LRP1B: variants seen among roughly 807,000 people sequenced by gnomAD.
LRP1B encodes low-density lipoprotein receptor-related protein 1B.
In LRP1B, 217 loss-of-function variants were observed where a neutral mutation model predicts 556.6. That is an observed-to-expected ratio of 0.39 (90% CI 0.35 to 0.44). The LOEUF (loss-of-function observed/expected upper bound fraction) is 0.44. LRP1B is among the 20% of genes least tolerant of loss of function. The pLI, the probability that LRP1B is intolerant of heterozygous loss-of-function variation, is 1.00. For synonymous variants in LRP1B, 2,047 were observed against 1,865.8 expected, an observed-to-expected ratio of 1.10 and a Z score of -2.50; for missense variants, 5,053 against 5,620.8, an observed-to-expected ratio of 0.90 and a Z score of 3.23.
chr2:140,788,180 C>T (rs931651816), intron 32 of LRP1B, among the ~76,000 whole-genome samples: 6 of 151,998 alleles, frequency 3.9e-5, no homozygotes, highest in African/African-American at 7.3e-5. Flanking sequence ...ATGGTAAGGA[C>T]AATAATTGGT....
chr2:141,658,306 T>A (rs547675239), intron 2 of LRP1B, among the ~76,000 whole-genome samples: 67 of 152,338 alleles, frequency 4.4e-4, no homozygotes, highest in African/African-American at 1.2e-3. Flanking sequence ...TTAGAGAATA[T>A]GTTAATGTTA....
chr2:141,013,229 A>G (rs1359331569), intron 14 of LRP1B, among the ~76,000 whole-genome samples: 2 of 151,972 alleles, frequency 1.3e-5, no homozygotes, highest in Non-Finnish European at 2.9e-5. Context: ...ATTTAACAAT[A>G]CTTACGCTTT....
chr2:141,876,419 C>T (rs1698761548), intron 1 of LRP1B, among the ~76,000 whole-genome samples: 1 of 151,848 alleles, frequency 6.6e-6, no homozygotes, highest in South Asian at 2.1e-4. Flanking sequence ...GCCAAAGAAG[C>T]TACTGTCCAA....
intron 1 of LRP1B, among the ~76,000 whole-genome samples, chr2:141,974,835 G>A (rs1263708541): frequency 6.6e-6 from 1 of 152,060 alleles, no homozygotes; most frequent in East Asian, 1.9e-4. Flanking sequence ...TGGTAGCTCT[G>A]CAGAGTATCA....
At chr2:140,580,740 G>T (rs766877332) in intron 43 of LRP1B, among the ~76,000 whole-genome samples, 1 of 152,136 alleles carries the variant, frequency 6.6e-6, no homozygotes, top group Non-Finnish European at 1.5e-5. Context: ...TGAGTTAATG[G>T]CTTTTTATCT....
rs1699354135 is a variant in LRP1B at position 141,062,159 on chromosome 2, T to C, written c.1128A>G (p.Ala376=). 6.2e-7 allele frequency: 1 copy of C among 1,612,068 alleles called. No individual in the cohort carries two copies. Among genetic ancestry groups the C allele is most frequent in the Non-Finnish European group, 8.5e-7 (1 of 1,178,672 alleles). ...AAACCAATTTGTTGACTAGGTCTAG[T>C]GCCAGTGCAGCTGGCTGCTCTGTCT... ...DSKTEQPAAL[A]LDLVNKLVYW... The change falls in exon 8 of 91, where the codon GCA becomes GCG. Residue 376 remains alanine, a synonymous_variant. Transcript: ENST00000389484.
intron 32 of LRP1B, among the ~76,000 whole-genome samples, chr2:140,807,966 C>T (rs541376572): frequency 3.9e-5 from 6 of 152,238 alleles, no homozygotes; most frequent in Non-Finnish European, 5.9e-5. Context: ...ATGGCGCATG[C>T]CTGTAATCCC....
intron 2 of LRP1B, among the ~76,000 whole-genome samples, chr2:141,747,634 A>T (rs976649514): frequency 6.6e-6 from 1 of 152,190 alleles, no homozygotes; most frequent in African/African-American, 2.4e-5. Context: ...TAAATAAATA[A>T]ATAAATCTAA....
chr2:141,576,001 T>C (rs1468160219), intron 2 of LRP1B, among the ~76,000 whole-genome samples: 2 of 152,130 alleles, frequency 1.3e-5, no homozygotes, highest in Non-Finnish European at 2.9e-5. Context: ...GGAATGTAAA[T>C]TCGTTCAACC....
chr2:141,659,564 G>A (rs1043131184), intron 2 of LRP1B, among the ~76,000 whole-genome samples: 1 of 152,028 alleles, frequency 6.6e-6, no homozygotes, highest in South Asian at 2.1e-4. Flanking sequence ...GGTTACTGAG[G>A]CAAGAAATAC....
rs12614563 is a variant in LRP1B, at chr2:142,115,693, G to A, written c.82+14955C>T. ...TATGTAATATATATATAATATATAT[G>A]TAATATATATATAATATATATGTAA... On this transcript the variant is annotated intron_variant, in intron 1 of 90. Coordinates refer to ENST00000389484, the MANE Select transcript of LRP1B (RefSeq NM_018557.3). Among the ~76,000 whole-genome samples, 11 of 13,158 alleles carry A rather than the reference G, an allele frequency of 8.4e-4. 3 individuals are homozygous for A. Among genetic ancestry groups the A allele is most frequent in the African/African-American group, 2.8e-3 (11 of 3,932 alleles). 8.6% of individuals were successfully genotyped at this position (13,158 alleles called of 152,430 possible). A position where few individuals can be genotyped will look rare whatever the true frequency, so the allele number is the denominator to read the frequency against.
intron 2 of LRP1B, among the ~76,000 whole-genome samples, chr2:141,723,486 A>T (rs1051343266): frequency 1.5e-4 from 23 of 151,854 alleles, no homozygotes; most frequent in African/African-American, 5.5e-4. Flanking sequence ...CATAAATAAC[A>T]TTCTTCAGAA....
intron 3 of LRP1B, among the ~76,000 whole-genome samples, chr2:141,270,371 G>A (rs1356394825): frequency 6.6e-6 from 1 of 152,020 alleles, no homozygotes; most frequent in Non-Finnish European, 1.5e-5. Flanking sequence ...AAATGGTGCA[G>A]CCACTATGGA....
chr2:140,827,123 G>A (rs538717558), intron 31 of LRP1B, among the ~76,000 whole-genome samples: 2 of 152,210 alleles, frequency 1.3e-5, no homozygotes, highest in Admixed American at 6.5e-5. Context: ...TGATTTACAA[G>A]TGACTGCAAA....
chr2:140,405,271 CACAAATTG>C (rs1177010163), intron 66 of LRP1B, among the ~76,000 whole-genome samples: 1 of 152,046 alleles, frequency 6.6e-6, no homozygotes, highest in East Asian at 1.9e-4. Context: ...TCTGAAAGAG[CACAAATTG>C]ACAACCTAAT....
At chr2:140,274,378 A>G (rs757633278) in intron 85 of LRP1B, 46 bp downstream of exon 85, 18 of 1,525,402 alleles carry the variant, frequency 1.2e-5, no homozygotes, top group Non-Finnish European at 1.5e-5. Flanking sequence ...TGCAATGTCC[A>G]TTGGTGTCCA....
chr2:141,838,658 C>T (rs1423161216), intron 1 of LRP1B, among the ~76,000 whole-genome samples: 1 of 152,094 alleles, frequency 6.6e-6, no homozygotes, highest in African/African-American at 2.4e-5. Context: ...GATAATTAAG[C>T]ATTGATATAC....
chr2:141,407,233 T>C (rs1483631071), intron 3 of LRP1B, among the ~76,000 whole-genome samples: 1 of 152,186 alleles, frequency 6.6e-6, no homozygotes, highest in Non-Finnish European at 1.5e-5. Flanking sequence ...CCCATTACTT[T>C]ACCAGTTTCA....
At chr2:141,281,056 C>T (rs1163637249) in intron 3 of LRP1B, among the ~76,000 whole-genome samples, 1 of 151,920 alleles carries the variant, frequency 6.6e-6, no homozygotes, top group African/African-American at 2.4e-5. Context: ...TTATCAAATA[C>T]TGTTTGCTTT....
Sources: allele counts gnomAD v4.1 joint callset (sites outside exome capture counted in the v4.1 genomes callset), GRCh38; gene constraint gnomAD v4.1.1; transcripts MANE v1.5; gene names NCBI Gene and HGNC (gene_info 2026-07-23, HGNC 2026-07-21).